ZBTB8A: variants seen among roughly 807,000 people sequenced by gnomAD.
ZBTB8A encodes zinc finger and BTB domain containing 8A.
Under a neutral mutation model 37.8 loss-of-function variants are expected in ZBTB8A, and 19 were observed. The ratio of observed to expected loss-of-function variants is 0.50; its 90% confidence interval spans 0.35 to 0.74. The LOEUF (loss-of-function observed/expected upper bound fraction) is 0.74, where lower values mean the gene tolerates loss of function less well. ZBTB8A is among the 30% of genes least tolerant of loss of function. ZBTB8A has a pLI of 0.01. For synonymous variants in ZBTB8A, 181 were observed against 185.2 expected (o/e 0.98, Z 0.19); for missense variants, 394 against 537.8 (o/e 0.73, Z 2.65).
chr1:32,597,604 G>T (rs1482778736), intron 4 of ZBTB8A, among the ~76,000 whole-genome samples: 2 of 152,192 alleles, frequency 1.3e-5, no homozygotes, highest in Admixed American at 6.5e-5. Context: ...CAAAGTCTGG[G>T]CAGTCATTGT....
intron 1 of ZBTB8A, among the ~76,000 whole-genome samples, chr1:32,540,425 T>C (rs1426829485): frequency 6.6e-6 from 1 of 152,152 alleles, no homozygotes; most frequent in African/African-American, 2.4e-5. Flanking sequence ...AATGGAGTGC[T>C]TTCACCTATA....
chr1:32,552,735 T>C (rs1490718528), intron 1 of ZBTB8A, among the ~76,000 whole-genome samples: 1 of 151,692 alleles, frequency 6.6e-6, no homozygotes, highest in Non-Finnish European at 1.5e-5. Flanking sequence ...ATATTGGAAA[T>C]CTCTTATAAA....
Position 32,593,473 on chromosome 1 carries a change from A to C in ZBTB8A, c.542A>C (p.Asn181Thr), listed in dbSNP as rs1189035218. The change falls in exon 3 of 5, where the codon AAT (asparagine) becomes ACT (threonine). Residue 181 changes from asparagine (N) to threonine (T), a missense_variant. Physicochemically the swap from Asn to Thr is moderately conservative, Grantham distance 65. Around this residue, in one of 4 missense-constraint regions of ZBTB8A, gnomAD observed 171 missense variants for 186.8 expected, o/e 0.92. Transcript: ENST00000373510. Reference protein sequence around the residue: ...GTGIISGKSWNKYNYHPASQK... With the variant: ...GTGIISGKSWTKYNYHPASQK... ...GGTATAATAAGTGGAAAATCTTGGA[A>C]TAAGTATAATTATCATCCAGCCTCC... The C allele has an allele frequency of 4.3e-6, 7 of 1,613,968 alleles. No homozygotes were observed. Among genetic ancestry groups the C allele is most frequent in the Non-Finnish European group, 5.1e-6 (6 of 1,180,052 alleles).
chr1:32,543,215 C>T (rs2148209813), intron 1 of ZBTB8A, among the ~76,000 whole-genome samples: 1 of 152,220 alleles, frequency 6.6e-6, no homozygotes, highest in South Asian at 2.1e-4. Flanking sequence ...TCTCAAGCAG[C>T]TGGGATTACA....
At chr1:32,554,303 C>G (rs1644182185) in intron 2 of ZBTB8A, among the ~76,000 whole-genome samples, 1 of 148,298 alleles carries the variant, frequency 6.7e-6, no homozygotes. Flanking sequence ...GTTCAGCGTT[C>G]TGATTTTTTT....
chr1:32,542,552 C>G (rs1570301751), intron 1 of ZBTB8A, among the ~76,000 whole-genome samples: 1 of 152,174 alleles, frequency 6.6e-6, no homozygotes, highest in Middle Eastern at 3.4e-3. Context: ...CTAGCCTGGG[C>G]GACAGAGCAA....
intron 2 of ZBTB8A, among the ~76,000 whole-genome samples, chr1:32,578,074 T>G (rs1335004622): frequency 6.6e-6 from 1 of 151,428 alleles, no homozygotes; most frequent in Non-Finnish European, 1.5e-5. Context: ...CAGCTAATTT[T>G]TTTGTTTGTT....
At chr1:32,582,573 G>A (rs1013002838) in intron 2 of ZBTB8A, among the ~76,000 whole-genome samples, 2 of 151,972 alleles carry the variant, frequency 1.3e-5, no homozygotes, top group African/African-American at 4.8e-5. Flanking sequence ...GCTTGAACCC[G>A]GGAGGCGGAG....
chr1:32,603,959 A>T lies in ZBTB8A; in HGVS notation c.*3540A>T, dbSNP rs892866883. ...GAGACCAGTTATTTTCTAGAGTGAA[A>T]CTGTCTATTGATGATTGAGAAAATT... is the stretch of plus-strand genomic sequence containing the variant. On this transcript the variant is annotated 3_prime_UTR_variant, in exon 5 of 5. Coordinates refer to ENST00000373510, the MANE Select transcript of ZBTB8A (RefSeq NM_001040441.3). 2.0e-5 allele frequency: 3 copies of T among 152,218 alleles called. No homozygotes were observed. The highest frequency in any genetic ancestry group is 4.4e-5 in the Non-Finnish European group (3 of 68,034). The allele number at this position is 152,218 out of a possible 1,614,324, so 9.4% of individuals were successfully genotyped here. A position where few individuals can be genotyped will look rare whatever the true frequency, so the allele number is the denominator to read the frequency against.
chr1:32,567,316 A>G (rs1430554581), intron 2 of ZBTB8A, among the ~76,000 whole-genome samples: 3 of 152,126 alleles, frequency 2.0e-5, no homozygotes, highest in Non-Finnish European at 4.4e-5. Context: ...GTCACATTCC[A>G]CCAGGTCCTC....
Position 32,567,813 on chromosome 1 carries a change from A to C in ZBTB8A, c.-2+14273A>C, listed in dbSNP as rs1308350421. ...TCTCAAAAAAAAAAAAAAAAAAAAA[A>C]AAAAAAAAAACAAAAACAAAACAAA... On this transcript the variant is annotated intron_variant, in intron 2 of 4. Coordinates refer to ENST00000373510, the MANE Select transcript of ZBTB8A (RefSeq NM_001040441.3). Among the ~76,000 whole-genome samples, 44 of 45,720 alleles carry C rather than the reference A, an allele frequency of 9.6e-4. 2 individuals carry two copies. Among genetic ancestry groups the C allele is most frequent in the Non-Finnish European group, 1.4e-3 (36 of 25,432 alleles). 30.0% of individuals were successfully genotyped at this position (45,720 alleles called of 152,430 possible).
chr1:32,554,743 C>T (rs1437879896), intron 2 of ZBTB8A, among the ~76,000 whole-genome samples: 3 of 151,832 alleles, frequency 2.0e-5, no homozygotes, highest in East Asian at 1.9e-4. Flanking sequence ...CCTCCCAAAG[C>T]GCTGGGATTA....
chr1:32,549,361 G>A (rs1055373187), intron 1 of ZBTB8A, among the ~76,000 whole-genome samples: 3 of 152,034 alleles, frequency 2.0e-5, no homozygotes, highest in Admixed American at 1.3e-4. Context: ...ACGCATGGTG[G>A]GATGTTCCTG....
rs371376835 is a variant in ZBTB8A, at chr1:32,564,645, T to C, written c.-2+11105T>C. Among the ~76,000 whole-genome samples the C allele has an allele frequency of 3.2e-3, 490 of 152,206 alleles. 4 individuals carry two copies. Among genetic ancestry groups the C allele is most frequent in the African/African-American group, 0.011 (466 of 41,512 alleles). On this transcript the variant is annotated intron_variant, in intron 2 of 4. Coordinates refer to ENST00000373510, the MANE Select transcript of ZBTB8A (RefSeq NM_001040441.3). ...ATACCAAATAATTAAGCACACATGT[T>C]CAATAGCAAAATATACCTAAAACAA...
intron 2 of ZBTB8A, among the ~76,000 whole-genome samples, chr1:32,575,925 A>G (rs1644356507): frequency 6.6e-6 from 1 of 152,152 alleles, no homozygotes; most frequent in South Asian, 2.1e-4. Flanking sequence ...TGGCTTATTA[A>G]CTTAATCTCT....
intron 2 of ZBTB8A, among the ~76,000 whole-genome samples, chr1:32,575,010 A>C (rs1644349386): frequency 6.6e-6 from 1 of 151,906 alleles, no homozygotes; most frequent in South Asian, 2.1e-4. Context: ...GCTGCCCCCA[A>C]GTAGTTCTCC....
intron 3 of ZBTB8A, among the ~76,000 whole-genome samples, chr1:32,594,568 C>G (rs1350541474): frequency 6.6e-6 from 1 of 152,082 alleles, no homozygotes; most frequent in Non-Finnish European, 1.5e-5. Flanking sequence ...CAAGACCAAC[C>G]TGACCAACAT....
At chr1:32,561,686 C>T (rs1644244996) in intron 2 of ZBTB8A, among the ~76,000 whole-genome samples, 1 of 152,120 alleles carries the variant, frequency 6.6e-6, no homozygotes, top group South Asian at 2.1e-4. Flanking sequence ...TGTGAGCCAC[C>T]TCACCCAGCC....
At chr1:32,552,492 C>T (rs1450342458) in intron 1 of ZBTB8A, among the ~76,000 whole-genome samples, 4 of 151,970 alleles carry the variant, frequency 2.6e-5, no homozygotes, top group South Asian at 2.1e-4. Flanking sequence ...GGAAAAACTC[C>T]GTCTCTACTA....
Sources: gnomAD v4.1 joint callset for allele counts (sites outside exome capture counted in the v4.1 genomes callset) on GRCh38, gnomAD v4.1.1 for gene constraint, gnomAD v4.1.1 regional missense constraint, MANE v1.5 for transcripts, NCBI Gene and HGNC (gene_info 2026-07-23, HGNC 2026-07-21) for gene names.